Variants in PNKD observed in about 807,000 individuals in gnomAD.
PNKD encodes PNKD metallo-beta-lactamase domain containing, also known as probable thioesterase PNKD.
In PNKD, 36 loss-of-function variants were observed where a neutral mutation model predicts 45.3. The ratio of observed to expected loss-of-function variants is 0.80; its 90% confidence interval spans 0.61 to 1.05. The LOEUF (loss-of-function observed/expected upper bound fraction) is 1.05, where lower values mean the gene tolerates loss of function less well. Ranked by LOEUF, PNKD falls within the 50% of genes least tolerant of loss-of-function variation. PNKD has a pLI of 0.00. For missense variants in PNKD, 511 were observed against 506.6 expected (o/e 1.01, Z -0.08); for synonymous variants, 197 against 210.1 (o/e 0.94, Z 0.54).
intron 2 of PNKD, among the ~76,000 whole-genome samples, chr2:218,294,822 C>T (rs1477426290): frequency 1.3e-5 from 2 of 152,186 alleles, no homozygotes; most frequent in Admixed American, 6.5e-5. Context: ...CAGAGGGTTC[C>T]GCCTTCATGA....
intron 2 of PNKD, among the ~76,000 whole-genome samples, chr2:218,298,754 G>T (rs986814506): frequency 1.3e-5 from 2 of 152,122 alleles, no homozygotes; most frequent in Non-Finnish European, 2.9e-5. Flanking sequence ...ACCTCTGCCA[G>T]CCAGAATACC....
chr2:218,305,154 G>C, intron 2 of PNKD, among the ~76,000 whole-genome samples: 1 of 152,136 alleles, frequency 6.6e-6, no homozygotes, highest in Non-Finnish European at 1.5e-5. Context: ...TGCAAGGGCT[G>C]TGCGCAGGCC....
chr2:218,281,992 A>T, intron 2 of PNKD: 1 of 1,607,106 alleles, frequency 6.2e-7, no homozygotes. Context: ...GGTAGCCAGC[A>T]GGGTGACCGT....
chr2:218,305,470 C>T (rs1442182495), intron 2 of PNKD, among the ~76,000 whole-genome samples: 1 of 152,086 alleles, frequency 6.6e-6, no homozygotes, highest in Non-Finnish European at 1.5e-5. Flanking sequence ...CTTGCCTCAG[C>T]CACTCAAGTA....
chr2:218,343,687 G>T, intron 8 of PNKD, 101 bp downstream of exon 8: 1 of 870,912 alleles, frequency 1.1e-6, no homozygotes, highest in South Asian at 1.4e-5. Flanking sequence ...GGCCAGCCCA[G>T]TTCCTGGCCC....
intron 2 of PNKD, among the ~76,000 whole-genome samples, chr2:218,290,952 C>T (rs1692892213): frequency 1.3e-5 from 2 of 152,154 alleles, no homozygotes; most frequent in African/African-American, 4.8e-5. Flanking sequence ...TCTGGTCGTC[C>T]CAGTTCAGCC....
At chr2:218,323,595 G>C (rs1694058886) in intron 2 of PNKD, among the ~76,000 whole-genome samples, 1 of 151,150 alleles carries the variant, frequency 6.6e-6, no homozygotes. Flanking sequence ...CACTGAGTTG[G>C]GGGGCCTGAG....
Position 218,271,451 on chromosome 2 carries a change from C to T in PNKD, c.138C>T (p.Ser46=), listed in dbSNP as rs904039076. 6.2e-7 allele frequency: 1 copy of T among 1,614,026 alleles called. No individual in the cohort carries two copies. The highest frequency in any genetic ancestry group is 1.3e-5 in the African/African-American group (1 of 74,924). ...CCCGGGCCCTGCAAAGCCACAGCTC[C>T]CCAGAGGGCAAGGAGGAACCTGAAC... ...NRTRALQSHS[S]PEGKEEPEPL... is the part of the protein sequence containing the mutation. The change falls in exon 2 of 10, where the codon TCC becomes TCT. Residue 46 remains serine (S), a synonymous_variant. Transcript: ENST00000273077.
At chr2:218,279,263 G>C (rs763159412) in intron 2 of PNKD, 6 of 1,566,124 alleles carry the variant, frequency 3.8e-6, no homozygotes, top group Non-Finnish European at 5.2e-6. Flanking sequence ...GGCAGTAGGA[G>C]TGGGTGGCAA....
At chr2:218,306,807 A>T (rs531575969) in intron 2 of PNKD, among the ~76,000 whole-genome samples, 2 of 152,314 alleles carry the variant, frequency 1.3e-5, no homozygotes, top group South Asian at 4.1e-4. Context: ...GCAAGTCATT[A>T]CCTAGGCCTA....
intron 2 of PNKD, among the ~76,000 whole-genome samples, chr2:218,324,942 C>CA (rs1157847588): frequency 3.5e-4 from 28 of 80,260 alleles, no homozygotes; most frequent in African/African-American, 5.0e-4. Flanking sequence ...TCTCAAAAAA[C>CA]AAAAAAAAGA....
At chr2:218,309,098 TAAG>T (rs1693515002) in intron 2 of PNKD, among the ~76,000 whole-genome samples, 2 of 151,172 alleles carry the variant, frequency 1.3e-5, no homozygotes, top group Admixed American at 6.6e-5. Flanking sequence ...TAAAATAAAA[TAAG>T]AGATCCTCCC....
At chr2:218,310,225 T>C (rs1157532148) in intron 2 of PNKD, among the ~76,000 whole-genome samples, 2 of 151,894 alleles carry the variant, frequency 1.3e-5, no homozygotes, top group African/African-American at 4.8e-5. Flanking sequence ...TTGTTTTTGT[T>C]TTGTTTTGTT....
At chr2:218,342,691 C>T (rs752123147) in intron 7 of PNKD, among the ~76,000 whole-genome samples, 4 of 151,926 alleles carry the variant, frequency 2.6e-5, no homozygotes, top group African/African-American at 4.8e-5. Context: ...CAGAGTGAGA[C>T]TCTGTCACAA....
chr2:218,286,393 G>A (rs1158156338), intron 2 of PNKD: 1 of 151,998 alleles, frequency 6.6e-6, no homozygotes, highest in Non-Finnish European at 1.5e-5. Flanking sequence ...TCTGCAGACA[G>A]CTCGATTAGA....
At chr2:218,290,627 G>T (rs552021678) in intron 2 of PNKD, among the ~76,000 whole-genome samples, 34 of 152,278 alleles carry the variant, frequency 2.2e-4, no homozygotes, top group African/African-American at 7.9e-4. Context: ...ACCAGGAAAC[G>T]GGCACCCCTA....
At chr2:218,303,745 T>G (rs560611572) in intron 2 of PNKD, among the ~76,000 whole-genome samples, 25 of 151,802 alleles carry the variant, frequency 1.6e-4, no homozygotes, top group African/African-American at 5.6e-4. Flanking sequence ...CCAGCTAATT[T>G]TTGTATTTTT....
chr2:218,312,203 A>G (rs891312430), intron 2 of PNKD, among the ~76,000 whole-genome samples: 6 of 152,238 alleles, frequency 3.9e-5, no homozygotes, highest in African/African-American at 1.2e-4. Context: ...ACACAGTAAC[A>G]ATCTGATCTC....
chr2:218,272,587 G>T (rs1365674333), intron 2 of PNKD: 4 of 1,613,912 alleles, frequency 2.5e-6, no homozygotes, highest in Non-Finnish European at 3.4e-6. Context: ...GGCTTCCCTT[G>T]TGGTATCCTC....
Sources: gnomAD v4.1 joint callset for allele counts (sites outside exome capture counted in the v4.1 genomes callset) on GRCh38, gnomAD v4.1.1 for gene constraint, MANE v1.5 for transcripts, NCBI Gene and HGNC (gene_info 2026-07-23, HGNC 2026-07-21) for gene names.